Variants in THSD7B observed in about 807,000 individuals in gnomAD.
THSD7B encodes the protein thrombospondin type-1 domain-containing protein 7B.
Under a neutral mutation model 213.6 loss-of-function variants are expected in THSD7B, and 138 were observed. That is an observed-to-expected ratio of 0.65 (90% CI 0.56 to 0.74). The LOEUF is 0.74. Ranked by LOEUF, THSD7B falls within the 30% of genes least tolerant of loss-of-function variation. The probability of loss-of-function intolerance (pLI) is 0.00; values close to 1 mark genes in which losing one functional copy is unlikely to be tolerated. For missense variants in THSD7B, 1,931 were observed against 1,991.5 expected (o/e 0.97, Z 0.58); for synonymous variants, 742 against 687.0 (o/e 1.08, Z -1.25).
At chr2:137,316,624 G>T (rs976894055) in intron 12 of THSD7B, among the ~76,000 whole-genome samples, 19 of 152,014 alleles carry the variant, frequency 1.2e-4, no homozygotes, top group Non-Finnish European at 7.4e-5. Flanking sequence ...CAGGCGCGGT[G>T]GTGGGTGCCT....
At chr2:137,183,963 G>GT (rs1680504057) in intron 7 of THSD7B, among the ~76,000 whole-genome samples, 1 of 152,088 alleles carries the variant, frequency 6.6e-6, no homozygotes, top group South Asian at 2.1e-4. Context: ...GGAACCTTCT[G>GT]TTTATATACT....
chr2:137,667,938 G>GA, intron 27 of THSD7B, 77 bp downstream of exon 27: 1 of 1,191,696 alleles, frequency 8.4e-7, no homozygotes, highest in South Asian at 1.5e-5. Context: ...AGTATCTCAG[G>GA]ATCATTGCCC....
chr2:137,366,516 T>G (rs1685411893), intron 12 of THSD7B, among the ~76,000 whole-genome samples: 1 of 152,148 alleles, frequency 6.6e-6, no homozygotes, highest in Non-Finnish European at 1.5e-5. Context: ...GGACAAAATA[T>G]TTTTTATTAC....
chr2:137,000,114 G>A (rs924214434), intron 2 of THSD7B, among the ~76,000 whole-genome samples: 14 of 152,080 alleles, frequency 9.2e-5, no homozygotes, highest in African/African-American at 3.4e-4. Flanking sequence ...CATCCTTTCA[G>A]GAGGCTGGAG....
intron 27 of THSD7B, among the ~76,000 whole-genome samples, chr2:137,671,727 A>G (rs1296021336): frequency 1.9e-4 from 29 of 152,120 alleles, no homozygotes; most frequent in Admixed American, 1.9e-3. Flanking sequence ...GTTTATAGGG[A>G]TTACAACTCA....
chr2:137,485,866 C>T (rs1688429072), intron 15 of THSD7B, among the ~76,000 whole-genome samples: 1 of 152,080 alleles, frequency 6.6e-6, no homozygotes, highest in Non-Finnish European at 1.5e-5. Flanking sequence ...AAAGAATTTT[C>T]AACCCAGAAT....
At chr2:136,869,510 A>C (rs1157435363) in intron 1 of THSD7B, among the ~76,000 whole-genome samples, 1 of 152,250 alleles carries the variant, frequency 6.6e-6, no homozygotes, top group African/African-American at 2.4e-5. Flanking sequence ...TTAGAACCTG[A>C]CAACATCTTT....
intron 17 of THSD7B, among the ~76,000 whole-genome samples, chr2:137,609,192 A>G (rs1454617707): frequency 6.6e-6 from 1 of 152,214 alleles, no homozygotes; most frequent in Non-Finnish European, 1.5e-5. Flanking sequence ...ATTGTCGAGT[A>G]TCTCTAAAGC....
At chr2:137,648,689 G>A (rs1189344573) in intron 21 of THSD7B, among the ~76,000 whole-genome samples, 1 of 152,062 alleles carries the variant, frequency 6.6e-6, no homozygotes, top group Non-Finnish European at 1.5e-5. Context: ...AATAAACATG[G>A]CAGTGCAGTT....
intron 12 of THSD7B, among the ~76,000 whole-genome samples, chr2:137,385,522 G>C (rs1236073772): frequency 6.6e-6 from 1 of 152,188 alleles, no homozygotes; most frequent in African/African-American, 2.4e-5. Context: ...TCTGCCCAGT[G>C]GTCTTGAGCC....
chr2:137,027,981 A>C (rs1025509631), intron 2 of THSD7B, among the ~76,000 whole-genome samples: 5 of 152,200 alleles, frequency 3.3e-5, no homozygotes, highest in Admixed American at 6.5e-5. Flanking sequence ...AGTTCCCTGC[A>C]CATAATAAGC....
At chr2:137,267,394 A>G (rs1156898810) in intron 10 of THSD7B, among the ~76,000 whole-genome samples, 1 of 152,266 alleles carries the variant, frequency 6.6e-6, no homozygotes, top group East Asian at 1.9e-4. Flanking sequence ...CAAATATGGC[A>G]CTTTTTTAAC....
chr2:137,328,271 G>GCAA (rs775252009), intron 12 of THSD7B, among the ~76,000 whole-genome samples: 18 of 151,968 alleles, frequency 1.2e-4, no homozygotes, highest in East Asian at 5.8e-4. Flanking sequence ...GGCAGAAACA[G>GCAA]CAACAACAAC....
chr2:137,671,906 A>G (rs1167307391), intron 27 of THSD7B, among the ~76,000 whole-genome samples: 1 of 151,962 alleles, frequency 6.6e-6, no homozygotes, highest in African/African-American at 2.4e-5. Context: ...AAATACCAAC[A>G]TTTTCCTTTT....
At chr2:136,954,421 T>C (rs1227437149) in intron 2 of THSD7B, among the ~76,000 whole-genome samples, 1 of 152,116 alleles carries the variant, frequency 6.6e-6, no homozygotes, top group East Asian at 1.9e-4. Flanking sequence ...TCTGCCTTGT[T>C]TTTAAGAAAT....
chr2:136,814,589 G>A (rs1445685007), intron 1 of THSD7B, among the ~76,000 whole-genome samples: 2 of 152,006 alleles, frequency 1.3e-5, no homozygotes, highest in African/African-American at 4.8e-5. Context: ...TAGTAGAGAC[G>A]GGGTTTCACC....
intron 2 of THSD7B, among the ~76,000 whole-genome samples, chr2:136,883,321 A>T (rs1683656598): frequency 7.4e-6 from 1 of 134,930 alleles, no homozygotes; most frequent in African/African-American, 2.8e-5. Context: ...AAAGTGAATT[A>T]TGCTTTAAAG....
intron 12 of THSD7B, among the ~76,000 whole-genome samples, chr2:137,280,991 A>G (rs1388447218): frequency 6.6e-6 from 1 of 152,114 alleles, no homozygotes; most frequent in African/African-American, 2.4e-5. Flanking sequence ...GCCCGTGAGT[A>G]TACTCTGTCA....
chr2:137,493,738 G>T (rs1679488654), intron 15 of THSD7B, among the ~76,000 whole-genome samples: 1 of 151,990 alleles, frequency 6.6e-6, no homozygotes, highest in Admixed American at 6.6e-5. Context: ...GCAACATAAT[G>T]TAAATGTGTT....
Sources: gnomAD v4.1 joint callset for allele counts (sites outside exome capture counted in the v4.1 genomes callset) on GRCh38, gnomAD v4.1.1 for gene constraint, MANE v1.5 for transcripts, NCBI Gene and HGNC (gene_info 2026-07-23, HGNC 2026-07-21) for gene names.